IP6K1: variants seen among roughly 807,000 people sequenced by gnomAD.
IP6K1 encodes ATP:1D-myo-inositol-hexakisphosphate phosphotransferase.
Under a neutral mutation model 38.3 loss-of-function variants are expected in IP6K1, and 13 were observed. The ratio of observed to expected loss-of-function variants is 0.34; its 90% CI spans 0.22 to 0.54. IP6K1 has a LOEUF of 0.54. Among genes scored for constraint, IP6K1 ranks in the 20% least tolerant of loss-of-function variants. The pLI is 0.92. For synonymous variants in IP6K1, 212 were observed against 229.9 expected, an observed-to-expected ratio of 0.92 and a Z score of 0.70; for missense variants, 397 against 599.8, an observed-to-expected ratio of 0.66 and a Z score of 3.53.
chr3:49,743,606 GTTTTTTTTTTTTGT>G (rs953471420), intron 2 of IP6K1, among the ~76,000 whole-genome samples: 4 of 129,328 alleles, frequency 3.1e-5, no homozygotes, highest in Admixed American at 7.7e-5. Context: ...TTGAGCCATA[GTTTTTTTTTTTTGT>G]TTTTTTTTTT....
chr3:49,774,301 G>A (rs537419879), intron 1 of IP6K1, among the ~76,000 whole-genome samples: 6 of 149,580 alleles, frequency 4.0e-5, no homozygotes, highest in Non-Finnish European at 7.4e-5. Context: ...CCAGCTACTC[G>A]AGAAGCTGAG....
intron 1 of IP6K1, among the ~76,000 whole-genome samples, chr3:49,761,206 TC>T (rs2080865223): frequency 6.6e-6 from 1 of 151,928 alleles, no homozygotes; most frequent in Non-Finnish European, 1.5e-5. Context: ...TCCCAGCTAC[TC>T]GGGAGGCCGA....
chr3:49,776,433 C>T (rs908231163), intron 1 of IP6K1, among the ~76,000 whole-genome samples: 3 of 151,902 alleles, frequency 2.0e-5, no homozygotes, highest in African/African-American at 7.3e-5. Flanking sequence ...AGGAAAATTA[C>T]TTGAACCTGG....
At chr3:49,759,962 G>A (rs1431545798) in intron 1 of IP6K1, among the ~76,000 whole-genome samples, 4 of 152,146 alleles carry the variant, frequency 2.6e-5, no homozygotes, top group Non-Finnish European at 5.9e-5. Context: ...GAATGCAGTG[G>A]CACGATCACG....
intron 1 of IP6K1, among the ~76,000 whole-genome samples, chr3:49,759,076 T>TA (rs34655436): frequency 0.022 from 3,314 of 151,224 alleles, 54 homozygotes; most frequent in African/African-American, 0.03. Context: ...AATAAACAAT[T>TA]AAAAAAAAAA....
intron 1 of IP6K1, among the ~76,000 whole-genome samples, chr3:49,767,553 TA>T (rs2080922171): frequency 6.6e-6 from 1 of 151,946 alleles, no homozygotes; most frequent in Non-Finnish European, 1.5e-5. Flanking sequence ...CACTCCAGGC[TA>T]GGTGACAGAG....
At chr3:49,771,993 C>T (rs921713048) in intron 1 of IP6K1, among the ~76,000 whole-genome samples, 7 of 152,006 alleles carry the variant, frequency 4.6e-5, no homozygotes, top group Non-Finnish European at 7.4e-5. Flanking sequence ...GAGGGAGGAT[C>T]GCTTGAGCCC....
intron 2 of IP6K1, among the ~76,000 whole-genome samples, chr3:49,747,386 G>A (rs2080729907): frequency 6.6e-6 from 1 of 152,138 alleles, no homozygotes; most frequent in Admixed American, 6.6e-5. Flanking sequence ...GAAAGTCCCT[G>A]CATTTCTTAC....
chr3:49,735,030 C>T lies in IP6K1; in HGVS notation c.435-2058G>A, dbSNP rs1249474769. 2.6e-5 allele frequency among the ~76,000 whole-genome samples: 4 copies of T among 152,118 alleles called. No individual in the cohort carries two copies. In the East Asian group the frequency reaches 7.7e-4, roughly 29 times the overall value. ...CCTTTTCACCAGATGACTCATGAAGCAACCTCTGTACCTTTGGAGGACAAT... is the reference window on the plus strand; with the variant it reads ...CCTTTTCACCAGATGACTCATGAAGTAACCTCTGTACCTTTGGAGGACAAT... On this transcript the variant is annotated intron_variant, in intron 3 of 5. Coordinates refer to ENST00000321599, the MANE Select transcript of IP6K1 (RefSeq NM_153273.4).
intron 1 of IP6K1, among the ~76,000 whole-genome samples, chr3:49,755,382 T>A (rs913229532): frequency 2.6e-5 from 4 of 152,204 alleles, no homozygotes; most frequent in Non-Finnish European, 5.9e-5. Context: ...ATTAAATATA[T>A]CCACTTAAGC....
chr3:49,783,039 G>A (rs952190468), intron 1 of IP6K1, among the ~76,000 whole-genome samples: 1 of 151,154 alleles, frequency 6.6e-6, no homozygotes, highest in African/African-American at 2.4e-5. Context: ...AGTATCACTT[G>A]AACCCAGGAG....
chr3:49,760,835 T>C (rs778613176), intron 1 of IP6K1, among the ~76,000 whole-genome samples: 7 of 152,120 alleles, frequency 4.6e-5, no homozygotes, highest in African/African-American at 7.2e-5. Context: ...AAAAAATCAA[T>C]GCCACAATTA....
At position 49,728,111 on chromosome 3, in the gene IP6K1, C is replaced by T; in HGVS notation, c.784G>A (p.Gly262Ser). ...GAGCAGAGGTAACTCACCTGCATGC[C>T]GCAGACCCTGACGCCCAGCGTGGCT... ...TSATLGVRVC[G>S]MQVYQLDTGH... Residue 262 changes from glycine (G) to serine (S), a missense_variant, in exon 5 of 6, where the codon GGC becomes AGC. Transcript: ENST00000321599. The T allele has an allele frequency of 6.2e-7, 1 of 1,613,352 alleles. No homozygotes were observed. Among genetic ancestry groups the T allele is most frequent in the Non-Finnish European group, 8.5e-7 (1 of 1,179,590 alleles).
At chr3:49,737,442 T>C (rs2080622776) in intron 3 of IP6K1, among the ~76,000 whole-genome samples, 3 of 152,296 alleles carry the variant, frequency 2.0e-5, no homozygotes, top group South Asian at 2.1e-4. Flanking sequence ...TCCCAGCACT[T>C]TGGGAAGCCA....
intron 1 of IP6K1, among the ~76,000 whole-genome samples, chr3:49,753,785 GC>G (rs2080798818): frequency 6.6e-6 from 1 of 152,106 alleles, no homozygotes; most frequent in Middle Eastern, 3.2e-3. Flanking sequence ...GGGTCATGTG[GC>G]TTTATGAAAA....
At chr3:49,745,867 A>G (rs1405751762) in intron 2 of IP6K1, among the ~76,000 whole-genome samples, 1 of 151,800 alleles carries the variant, frequency 6.6e-6, no homozygotes, top group Non-Finnish European at 1.5e-5. Flanking sequence ...AAAAAAAAAA[A>G]AAAAAGACAG....
chr3:49,747,074 G>A (rs1048124155), intron 2 of IP6K1, among the ~76,000 whole-genome samples: 48 of 152,082 alleles, frequency 3.2e-4, no homozygotes, highest in African/African-American at 1.1e-3. Flanking sequence ...TTTTTAAAAA[G>A]TTAAGGAAAC....
chr3:49,768,033 A>AT (rs1218193394), intron 1 of IP6K1, among the ~76,000 whole-genome samples: 3 of 145,538 alleles, frequency 2.1e-5, no homozygotes, highest in Non-Finnish European at 4.6e-5. Flanking sequence ...CATCCAAGTT[A>AT]TAAAAAAAAA....
At chr3:49,738,527 G>T in intron 2 of IP6K1, 105 bp from the exon 3 acceptor site, 1 of 809,286 alleles carries the variant, frequency 1.2e-6, no homozygotes, top group Non-Finnish European at 2.1e-6. Flanking sequence ...GACATCACCT[G>T]CCCTGAACCA....
Sources: allele counts gnomAD v4.1 joint callset (sites outside exome capture counted in the v4.1 genomes callset), GRCh38; gene constraint gnomAD v4.1.1; transcripts MANE v1.5; gene names NCBI Gene and HGNC (gene_info 2026-07-23, HGNC 2026-07-21).